Variants in WWOX observed in about 807,000 individuals in gnomAD.
WWOX encodes WW domain containing oxidoreductase, also known as WW domain-containing oxidoreductase.
Under a neutral mutation model 46.2 loss-of-function variants are expected in WWOX, and 69 were observed. The ratio of observed to expected loss-of-function variants is 1.49; its 90% CI spans 1.23 to 1.82. The LOEUF is 1.82. WWOX is among the 40% of genes most tolerant of loss of function. WWOX has a pLI of 0.00. For synonymous variants in WWOX, 359 were observed against 202.6 expected, an observed-to-expected ratio of 1.77 and a Z score of -6.56; for missense variants, 919 against 542.6, an observed-to-expected ratio of 1.69 and a Z score of -6.89.
At chr16:78,818,839 G>T (rs1047787952) in intron 8 of WWOX, among the ~76,000 whole-genome samples, 2 of 152,192 alleles carry the variant, frequency 1.3e-5, no homozygotes, top group Non-Finnish European at 2.9e-5. Flanking sequence ...GCGTAAGTGA[G>T]AATATTGGCA....
intron 5 of WWOX, among the ~76,000 whole-genome samples, chr16:78,210,470 A>G (rs1173042767): frequency 1.3e-5 from 2 of 151,930 alleles, no homozygotes; most frequent in African/African-American, 4.8e-5. Context: ...CACAGTTGAA[A>G]CCTGACACAC....
intron 8 of WWOX, among the ~76,000 whole-genome samples, chr16:78,790,254 C>T (rs1472495741): frequency 6.6e-6 from 1 of 152,144 alleles, no homozygotes; most frequent in Admixed American, 6.5e-5. Flanking sequence ...CCTGCCTCAG[C>T]CTCCCTAGTA....
chr16:78,395,233 G>T (rs2082259256), intron 6 of WWOX, among the ~76,000 whole-genome samples: 1 of 152,186 alleles, frequency 6.6e-6, no homozygotes, highest in South Asian at 2.1e-4. Context: ...ACAATCGTTT[G>T]AGAGGACACG....
intron 8 of WWOX, among the ~76,000 whole-genome samples, chr16:78,484,083 T>C (rs2738693): frequency 0.21 from 32,241 of 152,098 alleles, 3,889 homozygotes; most frequent in African/African-American, 0.33. Flanking sequence ...ACTTTATCAA[T>C]TTTGAAGGAA....
intron 8 of WWOX, among the ~76,000 whole-genome samples, chr16:79,070,962 T>C (rs1002309577): frequency 2.6e-5 from 4 of 152,212 alleles, no homozygotes; most frequent in African/African-American, 9.6e-5. Flanking sequence ...TTTCTTACTA[T>C]GTCCCTCCCT....
intron 4 of WWOX, among the ~76,000 whole-genome samples, chr16:78,153,134 A>C (rs72804924): frequency 0.13 from 19,904 of 152,134 alleles, 1,460 homozygotes; most frequent in South Asian, 0.2. Context: ...AGAACTATGT[A>C]ATTGAAATGG....
intron 8 of WWOX, among the ~76,000 whole-genome samples, chr16:78,917,872 G>A (rs542054166): frequency 2.6e-5 from 4 of 152,222 alleles, no homozygotes; most frequent in South Asian, 2.1e-4. Flanking sequence ...TATCCTAAGT[G>A]AGATCTTGTT....
chr16:78,458,142 C>T (rs2083867769), intron 8 of WWOX, among the ~76,000 whole-genome samples: 1 of 152,022 alleles, frequency 6.6e-6, no homozygotes, highest in South Asian at 2.1e-4. Flanking sequence ...GAAGAGAAAT[C>T]CCTCAGATGT....
intron 8 of WWOX, among the ~76,000 whole-genome samples, chr16:79,085,305 G>C (rs1196421207): frequency 6.6e-6 from 1 of 152,148 alleles, no homozygotes; most frequent in East Asian, 1.9e-4. Context: ...AGGAGCTACT[G>C]TCTAGGTTAT....
chr16:78,557,703 T>TTTTTTTTTTTTTTTTTTTTG, intron 8 of WWOX, among the ~76,000 whole-genome samples: 1 of 145,474 alleles, frequency 6.9e-6, no homozygotes, highest in African/African-American at 2.7e-5. Flanking sequence ...TTTTTTTTTT[T>TTTTTTTTTTTTTTTTTTTTG]TTTTTTTTTG....
rs535528877 is a variant in WWOX at position 78,204,379 on chromosome 16, C to A, written c.516+40090C>A. 2.6e-5 allele frequency among the ~76,000 whole-genome samples: 4 copies of A among 152,146 alleles called. No individual in the cohort carries two copies. In the South Asian group the frequency reaches 6.2e-4, roughly 24 times the overall value. On this transcript the variant is annotated intron_variant, in intron 5 of 8. Coordinates refer to ENST00000566780, the MANE Select transcript of WWOX (RefSeq NM_016373.4). ...CACATATGAAGAATGGGGTATCCAA[C>A]CCCTCAAACATTTATCCTTTGTGTT...
chr16:79,209,032 C>A (rs564301287), intron 8 of WWOX, among the ~76,000 whole-genome samples: 3 of 152,222 alleles, frequency 2.0e-5, no homozygotes, highest in African/African-American at 7.2e-5. Flanking sequence ...TTCGGGTGCC[C>A]CTCCTGTGTA....
intron 8 of WWOX, among the ~76,000 whole-genome samples, chr16:78,550,205 A>G (rs930078118): frequency 6.6e-6 from 1 of 152,254 alleles, no homozygotes; most frequent in East Asian, 1.9e-4. Flanking sequence ...GGATCATTCC[A>G]TTTATACTCA....
Position 78,734,841 on chromosome 16 carries a change from C to CTTTTTTTTTTTTTTT in WWOX, c.1056+302117_1056+302131dup, listed in dbSNP as rs60560119. On this transcript the variant is annotated intron_variant, in intron 8 of 8. Coordinates refer to ENST00000566780, the MANE Select transcript of WWOX (RefSeq NM_016373.4). The stretch of plus-strand genomic sequence containing the variant: ...GATGACTCAGGTGGGGACTTCAGTC[C>CTTTTTTTTTTTTTTT]TTTTTTTTTTTTTTTTTTTTTTTTT... Among the ~76,000 whole-genome samples, 30 of 40,126 alleles carry CTTTTTTTTTTTTTTT rather than the reference C, an allele frequency of 7.5e-4. 10 individuals are homozygous for CTTTTTTTTTTTTTTT. The highest frequency in any genetic ancestry group is 1.7e-3 in the Admixed American group (4 of 2,402). 26.3% of individuals were successfully genotyped at this position (40,126 alleles called of 152,430 possible). A position where few individuals can be genotyped will look rare whatever the true frequency, so the allele number is the denominator to read the frequency against.
intron 4 of WWOX, among the ~76,000 whole-genome samples, chr16:78,135,648 A>G (rs1008106953): frequency 2.0e-5 from 3 of 152,108 alleles, no homozygotes; most frequent in Non-Finnish European, 2.9e-5. Flanking sequence ...TCAATTACCA[A>G]TAGGCTATGA....
At chr16:78,520,522 A>G (rs2043325418) in intron 8 of WWOX, among the ~76,000 whole-genome samples, 2 of 152,042 alleles carry the variant, frequency 1.3e-5, no homozygotes, top group Non-Finnish European at 2.9e-5. Flanking sequence ...GAAGAAACAC[A>G]GCTTGAATAA....
intron 8 of WWOX, among the ~76,000 whole-genome samples, chr16:78,492,321 C>T (rs2084804817): frequency 2.0e-5 from 3 of 152,186 alleles, no homozygotes; most frequent in Admixed American, 6.5e-5. Flanking sequence ...TCTTTTCTAT[C>T]TGCTAGCAAA....
At chr16:78,945,179 C>T (rs113573514) in intron 8 of WWOX, among the ~76,000 whole-genome samples, 20 of 151,080 alleles carry the variant, frequency 1.3e-4, no homozygotes, top group Non-Finnish European at 4.4e-5. Flanking sequence ...CACCCTGTGT[C>T]AAAAAAAGAA....
At chr16:78,758,433 C>G (rs2049711142) in intron 8 of WWOX, among the ~76,000 whole-genome samples, 1 of 152,252 alleles carries the variant, frequency 6.6e-6, no homozygotes, top group East Asian at 1.9e-4. Flanking sequence ...GGTCCAGGAG[C>G]CACCTTAATC....
Sources: allele counts gnomAD v4.1 joint callset (sites outside exome capture counted in the v4.1 genomes callset), GRCh38; gene constraint gnomAD v4.1.1; transcripts MANE v1.5; gene names NCBI Gene and HGNC (gene_info 2026-07-23, HGNC 2026-07-21).